Variants in SGCZ observed in about 807,000 individuals in gnomAD.
SGCZ encodes the protein sarcoglycan zeta.
SGCZ carries 40 observed loss-of-function variants against 41.3 expected under a neutral mutation model. That is an observed-to-expected ratio of 0.97 (90% CI 0.75 to 1.26). The LOEUF is 1.26. SGCZ is among the 50% of genes most tolerant of loss of function. The pLI is 0.00. For synonymous variants in SGCZ, 206 were observed against 137.5 expected (o/e 1.50, Z -3.49); for missense variants, 552 against 369.8 (o/e 1.49, Z -4.04).
intron 1 of SGCZ, among the ~76,000 whole-genome samples, chr8:14,789,052 A>T (rs1388079500): frequency 6.6e-6 from 1 of 152,160 alleles, no homozygotes; most frequent in Non-Finnish European, 1.5e-5. Flanking sequence ...TAACATTGGA[A>T]TCACAGCCAA....
At chr8:14,294,087 T>C (rs886240041) in intron 3 of SGCZ, among the ~76,000 whole-genome samples, 3 of 151,892 alleles carry the variant, frequency 2.0e-5, no homozygotes, top group African/African-American at 7.2e-5. Flanking sequence ...TATAATATAT[T>C]CTAGTTATTA....
In SGCZ at chr8:15,166,516, G is replaced by A. The variant is rs138265789; in HGVS notation, c.39+71069C>T. 1.3e-3 allele frequency among the ~76,000 whole-genome samples: 199 copies of A among 152,206 alleles called. 1 individual carries two copies. Among genetic ancestry groups the A allele is most frequent in the African/African-American group, 4.4e-3 (183 of 41,530 alleles). ...GCCCGCCTTGGCCTCCCAAAGTGCT[G>A]GGATTACAGGTGTGAGCCACCACGC... On this transcript the variant is annotated intron_variant, in intron 1 of 7. Transcript: ENST00000382080.
At chr8:15,188,641 T>A (rs1373374797) in intron 1 of SGCZ, among the ~76,000 whole-genome samples, 1 of 152,178 alleles carries the variant, frequency 6.6e-6, no homozygotes, top group Non-Finnish European at 1.5e-5. Flanking sequence ...CGGATAAGGA[T>A]CATTTGTACT....
chr8:14,539,028 T>A (rs187280331), intron 2 of SGCZ, among the ~76,000 whole-genome samples: 155 of 152,118 alleles, frequency 1.0e-3, no homozygotes, highest in Non-Finnish European at 1.7e-3. Context: ...TCAGATAAGA[T>A]CAACATATAA....
intron 1 of SGCZ, among the ~76,000 whole-genome samples, chr8:14,695,102 G>A (rs142216866): frequency 9.9e-5 from 15 of 152,150 alleles, no homozygotes; most frequent in Non-Finnish European, 1.5e-4. Flanking sequence ...GAAAATTGAT[G>A]CTGATAGACA....
Position 14,909,179 on chromosome 8 carries a change from T to C in SGCZ, c.39+328406A>G, listed in dbSNP as rs574504381. ...CCAGCCCACTCCTTATATCAATTAC[T>C]ATAATTTTCAATTAGCAGAGACCAA... is the stretch of plus-strand genomic sequence containing the variant. On this transcript the variant is annotated intron_variant, in intron 1 of 7. Coordinates refer to ENST00000382080, the MANE Select transcript of SGCZ (RefSeq NM_139167.4). Among the ~76,000 whole-genome samples, 6 of 152,338 alleles carry C rather than the reference T, an allele frequency of 3.9e-5. No homozygotes were observed. The South Asian group carries it at 1.2e-3, about 32-fold the overall frequency.
chr8:14,406,839 A>T (rs918432227), intron 2 of SGCZ, among the ~76,000 whole-genome samples: 5 of 152,118 alleles, frequency 3.3e-5, no homozygotes, highest in Admixed American at 2.6e-4. Context: ...TGATTCTGAG[A>T]TGCAGTTCTG....
At chr8:14,522,529 C>G (rs1165919659) in intron 2 of SGCZ, among the ~76,000 whole-genome samples, 1 of 151,682 alleles carries the variant, frequency 6.6e-6, no homozygotes, top group Non-Finnish European at 1.5e-5. Flanking sequence ...CTATTATTTC[C>G]TTTTTTATCC....
intron 3 of SGCZ, among the ~76,000 whole-genome samples, chr8:14,292,659 C>T (rs997412681): frequency 6.6e-6 from 1 of 151,988 alleles, no homozygotes; most frequent in South Asian, 2.1e-4. Context: ...ACTATTCAAA[C>T]TGTCTCACTA....
chr8:14,962,141 T>C (rs867672414), intron 1 of SGCZ, among the ~76,000 whole-genome samples: 25 of 152,158 alleles, frequency 1.6e-4, no homozygotes, highest in Admixed American at 1.3e-4. Context: ...ATCAAGTGTA[T>C]CATGAAATTC....
At chr8:14,826,180 A>C (rs959854690) in intron 1 of SGCZ, among the ~76,000 whole-genome samples, 10 of 147,322 alleles carry the variant, frequency 6.8e-5, no homozygotes, top group African/African-American at 2.3e-4. Flanking sequence ...GAGAACATGC[A>C]GTGTTTGGTT....
intron 7 of SGCZ, among the ~76,000 whole-genome samples, chr8:14,091,029 C>A (rs1308574565): frequency 6.6e-6 from 1 of 151,890 alleles, no homozygotes; most frequent in Non-Finnish European, 1.5e-5. Context: ...ATGTTCCCTG[C>A]CCTGTGTCCA....
At chr8:14,362,961 G>A (rs1175935041) in intron 2 of SGCZ, among the ~76,000 whole-genome samples, 3 of 152,134 alleles carry the variant, frequency 2.0e-5, no homozygotes, top group African/African-American at 7.2e-5. Flanking sequence ...TAAGATGTGA[G>A]TTTTTAAAAT....
intron 2 of SGCZ, among the ~76,000 whole-genome samples, chr8:14,332,198 G>T (rs931947600): frequency 1.3e-5 from 2 of 152,124 alleles, no homozygotes; most frequent in Admixed American, 1.3e-4. Context: ...TACTTTGGGA[G>T]GCCGAAGCGG....
At chr8:14,379,941 G>T (rs1037151686) in intron 2 of SGCZ, among the ~76,000 whole-genome samples, 1 of 152,012 alleles carries the variant, frequency 6.6e-6, no homozygotes, top group Admixed American at 6.6e-5. Context: ...CATGTTGGCC[G>T]GGCCTGGTCT....
At chr8:14,500,786 G>T (rs987220054) in intron 2 of SGCZ, among the ~76,000 whole-genome samples, 4 of 151,940 alleles carry the variant, frequency 2.6e-5, no homozygotes, top group Non-Finnish European at 5.9e-5. Flanking sequence ...TAACTAGACA[G>T]GAAATTGTGG....
chr8:14,743,248 A>T (rs1221770651), intron 1 of SGCZ, among the ~76,000 whole-genome samples: 4 of 152,062 alleles, frequency 2.6e-5, no homozygotes, highest in Non-Finnish European at 4.4e-5. Flanking sequence ...TCTTATTAAT[A>T]TATTTTACCT....
At chr8:14,825,168 T>C (rs971322855) in intron 1 of SGCZ, among the ~76,000 whole-genome samples, 1 of 152,160 alleles carries the variant, frequency 6.6e-6, no homozygotes, top group African/African-American at 2.4e-5. Context: ...CGCTGTGAAT[T>C]ATCTGTTAAA....
chr8:14,832,723 T>C (rs936939818), intron 1 of SGCZ, among the ~76,000 whole-genome samples: 6 of 152,178 alleles, frequency 3.9e-5, no homozygotes, highest in Non-Finnish European at 8.8e-5. Context: ...CATAGAGCTG[T>C]ATATTTATGA....
Sources: allele counts gnomAD v4.1 joint callset (sites outside exome capture counted in the v4.1 genomes callset), GRCh38; gene constraint gnomAD v4.1.1; transcripts MANE v1.5; gene names NCBI Gene and HGNC (gene_info 2026-07-23, HGNC 2026-07-21).